ZEB2: variants seen among roughly 807,000 people sequenced by gnomAD.
The protein encoded by ZEB2 is zinc finger E-box-binding homeobox 2.
A neutral mutation model predicts 99.9 loss-of-function variants in ZEB2; 6 were observed. The ratio of observed to expected loss-of-function variants is 0.06; its 90% CI spans 0.03 to 0.12. The LOEUF (loss-of-function observed/expected upper bound fraction) is 0.12, where lower values mean the gene tolerates loss of function less well. Among genes scored for constraint, ZEB2 ranks in the 10% least tolerant of loss-of-function variants. The probability of loss-of-function intolerance (pLI) is 1.00; values close to 1 mark genes in which losing one functional copy is unlikely to be tolerated. For synonymous variants in ZEB2, 517 were observed against 542.5 expected (o/e 0.95, Z 0.65); for missense variants, 969 against 1,502.8 (o/e 0.64, Z 5.87).
At chr2:144,432,264 T>C (rs371308269) in intron 2 of ZEB2, among the ~76,000 whole-genome samples, 1 of 152,168 alleles carries the variant, frequency 6.6e-6, no homozygotes, top group Non-Finnish European at 1.5e-5. Flanking sequence ...TCACAACCTT[T>C]AGGGTTTGTG....
chr2:144,487,629 C>T (rs1704617100), intron 2 of ZEB2, among the ~76,000 whole-genome samples: 1 of 152,154 alleles, frequency 6.6e-6, no homozygotes, highest in Admixed American at 6.5e-5. Flanking sequence ...AGAAAGCTTA[C>T]TAGGTTTTCA....
chr2:144,424,607 A>G (rs970268914), intron 4 of ZEB2, among the ~76,000 whole-genome samples, 189 bp downstream of exon 4: 11 of 152,236 alleles, frequency 7.2e-5, no homozygotes, highest in African/African-American at 2.2e-4. Context: ...TGAGAATGAA[A>G]GATGTATTTG....
chr2:144,498,680 A>G (rs955910502), intron 2 of ZEB2, among the ~76,000 whole-genome samples: 1 of 152,200 alleles, frequency 6.6e-6, no homozygotes. Flanking sequence ...AAACGATGGC[A>G]TGCCACTTGG....
At chr2:144,401,978 C>T (rs574882663) in intron 6 of ZEB2, among the ~76,000 whole-genome samples, 37 of 152,268 alleles carry the variant, frequency 2.4e-4, no homozygotes, top group African/African-American at 8.4e-4. Flanking sequence ...CATTATCAAA[C>T]GTAAGAGACA....
At chr2:144,478,269 G>C (rs1338379245) in intron 2 of ZEB2, among the ~76,000 whole-genome samples, 1 of 152,230 alleles carries the variant, frequency 6.6e-6, no homozygotes, top group Non-Finnish European at 1.5e-5. Flanking sequence ...AGGACACTTA[G>C]AGCATGAATA....
intron 2 of ZEB2, chr2:144,448,848 C>A (rs1009534475): frequency 1.3e-5 from 2 of 152,286 alleles, no homozygotes; most frequent in African/African-American, 4.8e-5. Context: ...CAGCAAGCCA[C>A]AGGTGGGCAC....
chr2:144,461,005 T>C (rs1297831121), intron 2 of ZEB2: 3 of 152,110 alleles, frequency 2.0e-5, no homozygotes, highest in Non-Finnish European at 4.4e-5. Flanking sequence ...CTTGGAAATA[T>C]GAGTAATTAG....
At chr2:144,423,688 C>T (rs569518815) in intron 4 of ZEB2, among the ~76,000 whole-genome samples, 10 of 152,142 alleles carry the variant, frequency 6.6e-5, no homozygotes, top group South Asian at 4.1e-4. Flanking sequence ...TGACATTATT[C>T]GAATGAATAG....
intron 2 of ZEB2, among the ~76,000 whole-genome samples, chr2:144,480,661 C>T (rs1704496520): frequency 6.6e-6 from 1 of 150,828 alleles, no homozygotes; most frequent in Non-Finnish European, 1.5e-5. Flanking sequence ...GGAATGCTGT[C>T]TGCCATCCTG....
In ZEB2 at chr2:144,398,639, A is replaced by G. The variant is rs751120645; in HGVS notation, c.2548T>C (p.Ser850Pro). Residue 850 changes from serine (S) to proline (P), a missense_variant, in exon 8 of 10, where the codon TCT becomes CCT. Physicochemically the swap from Ser to Pro is moderately conservative, Grantham distance 74. Around this residue, in one of 8 missense-constraint regions of ZEB2, gnomAD observed 346 missense variants for 460.0 expected, o/e 0.75. Transcript: ENST00000627532. ...SSISLDHNSV[S>P]SSSENSDEPL... ...TCATCTGAGTTTTCAGATGAGGAAG[A>G]AACACTGTTATGATCTAAACTGATG... The G allele has an allele frequency of 3.7e-6, 6 of 1,614,178 alleles. No individual in the cohort carries two copies. Among genetic ancestry groups the G allele is most frequent in the Non-Finnish European group, 5.1e-6 (6 of 1,180,020 alleles).
chr2:144,505,298 A>G (rs1285175145), intron 2 of ZEB2, among the ~76,000 whole-genome samples: 1 of 152,216 alleles, frequency 6.6e-6, no homozygotes, highest in Non-Finnish European at 1.5e-5. Flanking sequence ...GAACATTAGA[A>G]AATAAAAAGC....
intron 2 of ZEB2, chr2:144,462,911 T>C (rs529401242): frequency 6.6e-6 from 1 of 152,252 alleles, no homozygotes; most frequent in South Asian, 2.1e-4. Flanking sequence ...CAAGATCAGT[T>C]TATAGGAGTA....
intron 2 of ZEB2, among the ~76,000 whole-genome samples, chr2:144,476,794 A>G (rs1020293746): frequency 6.6e-6 from 1 of 152,226 alleles, no homozygotes; most frequent in African/African-American, 2.4e-5. Context: ...TTACTATGTT[A>G]ATCAGATGCC....
chr2:144,403,093 C>T (rs1703334711), intron 6 of ZEB2, among the ~76,000 whole-genome samples: 1 of 152,250 alleles, frequency 6.6e-6, no homozygotes, highest in African/African-American at 2.4e-5. Flanking sequence ...CACACCACTT[C>T]TGTCCATGCA....
At chr2:144,414,488 A>T (rs966730533) in intron 4 of ZEB2, among the ~76,000 whole-genome samples, 9 of 152,150 alleles carry the variant, frequency 5.9e-5, no homozygotes, top group African/African-American at 2.2e-4. Flanking sequence ...GGCCCCCGAG[A>T]GCCTCCCATC....
chr2:144,414,867 T>C (rs985658178), intron 4 of ZEB2, among the ~76,000 whole-genome samples: 3 of 152,138 alleles, frequency 2.0e-5, no homozygotes, highest in Non-Finnish European at 4.4e-5. Context: ...AATGACATTA[T>C]AAGCAATTCT....
intron 2 of ZEB2, chr2:144,445,010 A>G (rs920842492): frequency 6.6e-5 from 10 of 152,182 alleles, no homozygotes; most frequent in African/African-American, 2.4e-4. Context: ...CTCAGGCAAG[A>G]CCAGCAATTC....
intron 4 of ZEB2, among the ~76,000 whole-genome samples, chr2:144,417,258 T>C (rs956414424): frequency 1.3e-5 from 2 of 152,202 alleles, no homozygotes; most frequent in Non-Finnish European, 2.9e-5. Context: ...CCTAAAATTT[T>C]ATGTTGCTTA....
chr2:144,513,288 A>G, intron 2 of ZEB2: 1 of 1,291,292 alleles, frequency 7.7e-7, no homozygotes, highest in Non-Finnish European at 1.0e-6. Context: ...TGCTCTTCTG[A>G]TTGTTTCTCC....
Sources: allele counts gnomAD v4.1 joint callset (sites outside exome capture counted in the v4.1 genomes callset), GRCh38; gene constraint gnomAD v4.1.1; regional missense constraint gnomAD v4.1.1; transcripts MANE v1.5; gene names NCBI Gene and HGNC (gene_info 2026-07-23, HGNC 2026-07-21).